Variants in SH3KBP1 observed in about 807,000 individuals in gnomAD.
The protein encoded by SH3KBP1 is SH3 domain-containing kinase-binding protein 1.
SH3KBP1 carries 8 observed loss-of-function variants against 50.1 expected under a neutral mutation model. The observed-to-expected ratio is 0.16, with a 90% CI of 0.09 to 0.29. SH3KBP1 has a LOEUF of 0.29. Among genes scored for constraint, SH3KBP1 ranks in the 10% least tolerant of loss-of-function variants. The pLI is 1.00. For synonymous variants in SH3KBP1, 227 were observed against 218.6 expected (o/e 1.04, Z -0.34); for missense variants, 377 against 535.2 (o/e 0.70, Z 2.92).
chrX:19,664,667 C>T lies in SH3KBP1; in HGVS notation c.726+19156G>A, dbSNP rs749132413. The T allele has an allele frequency of 9.8e-5, 11 of 111,941 alleles. No individual in the cohort carries two copies. In the South Asian group the frequency reaches 4.1e-3, roughly 42 times the overall value. The allele number at this position is 111,941 out of a possible 1,213,427, so 9.2% of individuals were successfully genotyped here. A position where few individuals can be genotyped will look rare whatever the true frequency, so the allele number is the denominator to read the frequency against. ...TCACTGGAAAGTACAGCAAGGTTGT[C>T]CATGAATTACATTCTGCTCACCTCT... On this transcript the variant is annotated intron_variant, in intron 6 of 17. Transcript: ENST00000397821.
intron 1 of SH3KBP1, among the ~76,000 whole-genome samples, chrX:19,849,578 A>G (rs2068450235): frequency 9.2e-6 from 1 of 108,282 alleles, no homozygotes; most frequent in South Asian, 4.0e-4. Flanking sequence ...AATCCCAGCT[A>G]CTTAGGCGGC....
intron 2 of SH3KBP1, among the ~76,000 whole-genome samples, chrX:19,806,258 C>T (rs759431709): frequency 2.7e-5 from 3 of 111,592 alleles, no homozygotes; most frequent in Non-Finnish European, 3.8e-5. Context: ...AGTTTATGCC[C>T]GTAATCCCAG....
At chrX:19,833,907 A>C (rs963325755) in intron 2 of SH3KBP1, among the ~76,000 whole-genome samples, 3 of 111,725 alleles carry the variant, frequency 2.7e-5, no homozygotes, top group African/African-American at 9.8e-5. Context: ...ACTCCCATTC[A>C]CACCTCAACA....
chrX:19,719,643 GT>G (rs1297047192), intron 3 of SH3KBP1, among the ~76,000 whole-genome samples: 1 of 110,305 alleles, frequency 9.1e-6, no homozygotes, highest in Non-Finnish European at 1.9e-5. Context: ...AATTAGCCAT[GT>G]GAAAGGGTGC....
chrX:19,537,829 A>G, intron 16 of SH3KBP1, 49 bp from the exon 17 acceptor site: 1 of 1,019,955 alleles, frequency 9.8e-7, no homozygotes, highest in Non-Finnish European at 1.4e-6. Flanking sequence ...GACTTCCTTC[A>G]TCAGAGATCA....
intron 2 of SH3KBP1, among the ~76,000 whole-genome samples, chrX:19,825,525 T>C (rs1187007251): frequency 9.0e-6 from 1 of 111,369 alleles, no homozygotes; most frequent in African/African-American, 3.3e-5. Flanking sequence ...CTTTTAACAC[T>C]GATATGCCTC....
chrX:19,683,494 T>C (rs1056500371), intron 6 of SH3KBP1: 7 of 335,494 alleles, frequency 2.1e-5, no homozygotes, highest in Middle Eastern at 5.1e-4. Context: ...GTCTGAAAAG[T>C]GTCAGGGTCA....
intron 1 of SH3KBP1, among the ~76,000 whole-genome samples, chrX:19,842,996 C>T (rs1250020430): frequency 1.9e-5 from 2 of 104,012 alleles, no homozygotes; most frequent in African/African-American, 7.1e-5. Flanking sequence ...GTAACAGATA[C>T]TCGTGCATCA....
intron 2 of SH3KBP1, among the ~76,000 whole-genome samples, chrX:19,777,325 AAGAGG>A (rs1056868525): frequency 3.6e-5 from 4 of 110,630 alleles, no homozygotes; most frequent in Non-Finnish European, 3.8e-5. Flanking sequence ...AAATCCCACC[AAGAGG>A]AGAGGAGAGG....
intron 12 of SH3KBP1, among the ~76,000 whole-genome samples, chrX:19,575,895 T>C (rs1158795140): frequency 3.6e-5 from 4 of 111,879 alleles, no homozygotes. Context: ...GTCCCTGTTC[T>C]CCCCAGTCTG....
At chrX:19,861,860 T>C (rs1422654278) in intron 1 of SH3KBP1, among the ~76,000 whole-genome samples, 1 of 112,134 alleles carries the variant, frequency 8.9e-6, no homozygotes, top group Admixed American at 9.5e-5. Context: ...CTTCTGCTCA[T>C]GCTCTGACTT....
intron 1 of SH3KBP1, among the ~76,000 whole-genome samples, chrX:19,870,833 G>A (rs1019563068): frequency 1.3e-4 from 15 of 111,366 alleles, no homozygotes; most frequent in Non-Finnish European, 7.5e-5. Context: ...ACAAAAGACC[G>A]CACCAGAGCA....
chrX:19,577,737 C>CA (rs370147117), intron 12 of SH3KBP1, among the ~76,000 whole-genome samples: 4,724 of 100,109 alleles, frequency 0.047, 242 homozygotes, highest in African/African-American at 0.15. Context: ...ACAGCAGCCA[C>CA]AAAAAAAAAA....
chrX:19,561,754 G>T (rs747974666), intron 13 of SH3KBP1, among the ~76,000 whole-genome samples: 3 of 107,724 alleles, frequency 2.8e-5, no homozygotes, highest in African/African-American at 1.0e-4. Flanking sequence ...GATGGCATTT[G>T]TTTATTTTGA....
chrX:19,887,217 G>A (rs1306122708), intron 1 of SH3KBP1, 90 bp downstream of exon 1: 3 of 818,902 alleles, frequency 3.7e-6, no homozygotes, highest in Non-Finnish European at 4.6e-6. Flanking sequence ...CCCTGCCCCC[G>A]GGGCGCCCTC....
intron 13 of SH3KBP1, among the ~76,000 whole-genome samples, chrX:19,558,481 T>C (rs1444963865): frequency 8.9e-6 from 1 of 112,161 alleles, no homozygotes; most frequent in Non-Finnish European, 1.9e-5. Context: ...CCAATATATA[T>C]TTGAATACTG....
In SH3KBP1 at chrX:19,546,009, G is replaced by C. The variant is rs370412822; in HGVS notation, c.1536C>G (p.Pro512=). ...AAATGTGTTCCTCCTTATCCTCTTC[G>C]GGACTTGGGGAGTCGAAGATATCAG... ...SSPDIFDSPS[P]EEDKEEHISL... The change falls in exon 15 of 18, where the codon CCC becomes CCG. Residue 512 remains proline, a synonymous_variant. Transcript: ENST00000397821. 9.1e-6 allele frequency: 11 copies of C among 1,208,069 alleles called. No individual in the cohort carries two copies. In the African/African-American group the frequency reaches 1.9e-4, roughly 21 times the overall value.
At chrX:19,802,176 T>C (rs1330518362) in intron 2 of SH3KBP1, among the ~76,000 whole-genome samples, 1 of 110,349 alleles carries the variant, frequency 9.1e-6, no homozygotes, top group Non-Finnish European at 1.9e-5. Flanking sequence ...GCGGATCACT[T>C]GAGGCCAGGA....
chrX:19,866,824 G>A (rs1352183321), intron 1 of SH3KBP1, among the ~76,000 whole-genome samples: 3 of 111,341 alleles, frequency 2.7e-5, no homozygotes, highest in Non-Finnish European at 5.7e-5. Flanking sequence ...TTCTCCCATG[G>A]ATGGCGTCAC....
Sources: gnomAD v4.1 joint callset for allele counts (sites outside exome capture counted in the v4.1 genomes callset) on GRCh38, gnomAD v4.1.1 for gene constraint, MANE v1.5 for transcripts, NCBI Gene and HGNC (gene_info 2026-07-23, HGNC 2026-07-21) for gene names.